JARID2: variants seen among roughly 807,000 people sequenced by gnomAD.
The protein encoded by JARID2 is jumonji and AT-rich interaction domain containing 2.
In JARID2, 21 loss-of-function variants were observed where a neutral mutation model predicts 125.6. That is an observed-to-expected ratio of 0.17 (90% CI 0.12 to 0.24). The LOEUF is 0.24. JARID2 is among the 10% of genes least tolerant of loss of function. The probability of loss-of-function intolerance (pLI) is 1.00; values close to 1 mark genes in which losing one functional copy is unlikely to be tolerated. For missense variants in JARID2, 1,303 were observed against 1,639.6 expected (o/e 0.79, Z 3.55); for synonymous variants, 736 against 661.6 (o/e 1.11, Z -1.73).
chr6:15,309,774 G>A (rs1241062136), intron 1 of JARID2, among the ~76,000 whole-genome samples: 1 of 152,056 alleles, frequency 6.6e-6, no homozygotes, highest in Non-Finnish European at 1.5e-5. Context: ...ATGACAGAAG[G>A]CTTGAAGGAC....
chr6:15,293,831 C>T (rs529684134), intron 1 of JARID2, among the ~76,000 whole-genome samples: 8 of 152,362 alleles, frequency 5.3e-5, no homozygotes, highest in African/African-American at 1.9e-4. Flanking sequence ...GCCAACTCCT[C>T]TGCTATATTT....
chr6:15,442,633 G>A (rs989366719), intron 3 of JARID2, among the ~76,000 whole-genome samples: 1 of 152,206 alleles, frequency 6.6e-6, no homozygotes, highest in African/African-American at 2.4e-5. Context: ...GGATGGCGGC[G>A]CAGACAGCCT....
At chr6:15,427,648 T>A (rs1561856293) in intron 3 of JARID2, among the ~76,000 whole-genome samples, 1 of 152,022 alleles carries the variant, frequency 6.6e-6, no homozygotes, top group East Asian at 1.9e-4. Context: ...AAAGGACAAG[T>A]CTAAACACCA....
intron 1 of JARID2, chr6:15,324,541 G>A (rs1296177645): frequency 6.6e-6 from 1 of 151,884 alleles, no homozygotes; most frequent in Non-Finnish European, 1.5e-5. Context: ...CAGGCTGGAG[G>A]TTCACTGCAA....
At chr6:15,456,149 T>G (rs1021139777) in intron 4 of JARID2, among the ~76,000 whole-genome samples, 1 of 152,098 alleles carries the variant, frequency 6.6e-6, no homozygotes, top group African/African-American at 2.4e-5. Flanking sequence ...TTGTGCTACA[T>G]GTACTTGTGC....
intron 8 of JARID2, among the ~76,000 whole-genome samples, chr6:15,503,730 T>C (rs1205108035): frequency 6.6e-6 from 1 of 152,212 alleles, no homozygotes; most frequent in Non-Finnish European, 1.5e-5. Flanking sequence ...GCAACAAATG[T>C]GCCCGGTCAA....
At chr6:15,319,611 T>G (rs1015134702) in intron 1 of JARID2, among the ~76,000 whole-genome samples, 14 of 152,120 alleles carry the variant, frequency 9.2e-5, no homozygotes, top group Admixed American at 2.6e-4. Context: ...TCACCATGTT[T>G]GCCAGGCTGG....
intron 1 of JARID2, among the ~76,000 whole-genome samples, chr6:15,361,734 A>G (rs546345248): frequency 3.3e-5 from 5 of 152,278 alleles, no homozygotes; most frequent in East Asian, 1.9e-4. Flanking sequence ...AACAACTGCA[A>G]GAAACCTCAT....
chr6:15,439,090 G>A (rs974317624), intron 3 of JARID2, among the ~76,000 whole-genome samples: 1 of 151,950 alleles, frequency 6.6e-6, no homozygotes, highest in South Asian at 2.1e-4. Context: ...GTGGAACAGG[G>A]GAGAATGAGG....
At chr6:15,449,063 C>G (rs749863638) in intron 3 of JARID2, among the ~76,000 whole-genome samples, 2 of 152,062 alleles carry the variant, frequency 1.3e-5, no homozygotes, top group Non-Finnish European at 2.9e-5. Context: ...AGATGAAGCT[C>G]TGTGATTGTC....
chr6:15,493,156 TGA>T (rs1770239101), intron 6 of JARID2, among the ~76,000 whole-genome samples: 1 of 151,594 alleles, frequency 6.6e-6, no homozygotes, highest in Non-Finnish European at 1.5e-5. Context: ...CACTCTTATT[TGA>T]GATAGAATAT....
At chr6:15,515,909 C>G (rs1561920713) in intron 16 of JARID2, among the ~76,000 whole-genome samples, 1 of 151,594 alleles carries the variant, frequency 6.6e-6, no homozygotes, top group Non-Finnish European at 1.5e-5. Flanking sequence ...ATGTTGAGCG[C>G]CTGTAGTCCC....
intron 1 of JARID2, among the ~76,000 whole-genome samples, chr6:15,283,700 T>C (rs1414038804): frequency 6.8e-6 from 1 of 147,068 alleles, no homozygotes; most frequent in Admixed American, 7.0e-5. Flanking sequence ...CATTGTCCTT[T>C]AAGTATTTTT....
At chr6:15,341,141 T>C (rs1219355278) in intron 1 of JARID2, among the ~76,000 whole-genome samples, 2 of 152,228 alleles carry the variant, frequency 1.3e-5, no homozygotes, top group African/African-American at 4.8e-5. Flanking sequence ...AATTTTTTGA[T>C]GGGTTCTTCT....
At position 15,376,271 on chromosome 6, in the gene JARID2, G is replaced by A. The variant is rs75661740; in HGVS notation, c.181+2019G>A. On this transcript the variant is annotated intron_variant, in intron 2 of 17. Coordinates refer to ENST00000341776, the MANE Select transcript of JARID2 (RefSeq NM_004973.4). The stretch of plus-strand genomic sequence containing the variant: ...ACACCTCGGCTTCTCTTTGGGTTGT[G>A]AAATTGCTGTGAATATGCCATTTTC... Among the ~76,000 whole-genome samples the A allele has an allele frequency of 8.5e-3, 1,301 of 152,344 alleles. 16 individuals carry two copies. The highest frequency in any genetic ancestry group is 0.012 in the South Asian group (57 of 4,834).
intron 1 of JARID2, among the ~76,000 whole-genome samples, chr6:15,253,249 A>C (rs910696824): frequency 1.3e-5 from 2 of 151,922 alleles, no homozygotes; most frequent in African/African-American, 2.4e-5. Flanking sequence ...ATTTTTAGTA[A>C]AGACGGGGTT....
intron 1 of JARID2, among the ~76,000 whole-genome samples, chr6:15,367,076 G>T (rs1764007423): frequency 6.6e-6 from 1 of 152,076 alleles, no homozygotes; most frequent in African/African-American, 2.4e-5. Flanking sequence ...GTTTCCACGA[G>T]GTATTTCCCT....
intron 5 of JARID2, among the ~76,000 whole-genome samples, chr6:15,470,176 C>A (rs78087875): frequency 4.9e-3 from 635 of 128,618 alleles, no homozygotes; most frequent in Non-Finnish European, 5.2e-3. Context: ...GACTCTGTCT[C>A]AAAAAAAAAA....
rs573331572 is a variant in JARID2 at position 15,325,584 on chromosome 6, A to G, written c.46-48533A>G. 1.1e-3 allele frequency among the ~76,000 whole-genome samples: 161 copies of G among 152,260 alleles called. 1 individual carries two copies. The highest frequency in any genetic ancestry group is 3.6e-3 in the African/African-American group (151 of 41,550). On this transcript the variant is annotated intron_variant, in intron 1 of 17. Transcript: ENST00000341776. Reference sequence around the variant, plus strand: ...GGGTGACATGATGTTCTTTTTGTCAACTTGGGACTTTGATTTCACCAGAGT... The same window carrying G: ...GGGTGACATGATGTTCTTTTTGTCAGCTTGGGACTTTGATTTCACCAGAGT...
Sources: gnomAD v4.1 joint callset for allele counts (sites outside exome capture counted in the v4.1 genomes callset) on GRCh38, gnomAD v4.1.1 for gene constraint, MANE v1.5 for transcripts, NCBI Gene and HGNC (gene_info 2026-07-23, HGNC 2026-07-21) for gene names.